The following MAPK10 variants were observed in gnomAD, a reference collection of about 807,000 sequenced individuals.
MAPK10 encodes the protein mitogen-activated protein kinase 10.
A neutral mutation model predicts 59.3 loss-of-function variants in MAPK10; 25 were observed. That is an observed-to-expected ratio of 0.42 (90% CI 0.31 to 0.59). The LOEUF is 0.59. MAPK10 is among the 20% of genes least tolerant of loss of function. The pLI is 0.15. For synonymous variants in MAPK10, 190 were observed against 200.5 expected (o/e 0.95, Z 0.44); for missense variants, 351 against 568.9 (o/e 0.62, Z 3.90).
intron 2 of MAPK10, among the ~76,000 whole-genome samples, chr4:86,259,389 C>T (rs1357798522): frequency 1.3e-5 from 2 of 152,042 alleles, no homozygotes; most frequent in African/African-American, 2.4e-5. Context: ...TCCAACCTAC[C>T]ATAGCCTTTC....
chr4:86,232,074 G>A (rs1275025537), intron 2 of MAPK10, among the ~76,000 whole-genome samples: 2 of 152,190 alleles, frequency 1.3e-5, no homozygotes, highest in African/African-American at 4.8e-5. Context: ...GAAAGCCATG[G>A]GTTTCTAACA....
At position 86,359,288 on chromosome 4, in the gene MAPK10, C is replaced by CTCTCTCTCTCTCTG. The variant is rs796310826; in HGVS notation, c.-122+369_-122+370insCAGAGAGAGAGAGA. Among the ~76,000 whole-genome samples the CTCTCTCTCTCTCTG allele has an allele frequency of 2.8e-3, 262 of 94,590 alleles. 2 individuals carry two copies. The highest frequency in any genetic ancestry group is 3.9e-3 in the Non-Finnish European group (198 of 50,370). The allele number at this position is 94,590 out of a possible 152,430, so 62.1% of individuals were successfully genotyped here. ...CCTCTCTCTCTCTCTCTCTCTCTCT[C>CTCTCTCTCTCTCTG]TGTGTGTGTGTGTGTGTGTGTGTGT... On this transcript the variant is annotated intron_variant, in intron 1 of 13. Transcript: ENST00000641462.
chr4:86,552,455 AGGAAGGAGGGAGGGAG>A lies in MAPK10; in HGVS notation c.-263+41439_-263+41454del, dbSNP rs1367120055. 7.2e-5 allele frequency among the ~76,000 whole-genome samples: 5 copies of A among 69,878 alleles called. No homozygotes were observed. In the East Asian group the frequency reaches 2.1e-3, roughly 29 times the overall value. The allele number at this position is 69,878 out of a possible 152,430, so 45.8% of individuals were successfully genotyped here. On this transcript the variant is annotated intron_variant, in intron 1 of 4. Coordinates refer to the MAPK10 transcript ENST00000502302. The stretch of plus-strand genomic sequence containing the variant: ...AAGGAAGGAAGGAAGGAAGGAAGGA[AGGAAGGAGGGAGGGAG>A]GGAGGGAGGGAGGGAGGGAGGGAGG...
At chr4:86,301,794 G>A (rs1361548290) in intron 2 of MAPK10, among the ~76,000 whole-genome samples, 1 of 152,084 alleles carries the variant, frequency 6.6e-6, no homozygotes, top group African/African-American at 2.4e-5. Context: ...CTGATATAGG[G>A]TATGATCCAG....
At chr4:86,099,625 C>A (rs2054941968) in intron 8 of MAPK10, 1 of 152,230 alleles carries the variant, frequency 6.6e-6, no homozygotes, top group African/African-American at 2.4e-5. Context: ...TTAGAGAAGT[C>A]AAAAACCTAA....
At chr4:86,252,576 C>G (rs1481566158) in intron 2 of MAPK10, among the ~76,000 whole-genome samples, 1 of 138,838 alleles carries the variant, frequency 7.2e-6, no homozygotes, top group Non-Finnish European at 1.5e-5. Context: ...GTTACTGTAG[C>G]CTTGTAGTAT....
intron 1 of MAPK10, among the ~76,000 whole-genome samples, chr4:86,573,515 T>C (rs1761623594): frequency 6.6e-6 from 1 of 152,172 alleles, no homozygotes; most frequent in African/African-American, 2.4e-5. Context: ...AGTACTGAAA[T>C]CAGACAGTGG....
chr4:86,017,408 A>G lies in MAPK10; in HGVS notation c.1253-38T>C, dbSNP rs748391813. The G allele has an allele frequency of 6.2e-7, 1 of 1,611,932 alleles. No homozygotes were observed. The highest frequency in any genetic ancestry group is 8.5e-7 in the Non-Finnish European group (1 of 1,178,600). ...AATGAAGACCAACATGACTCAATCT[A>G]GAACCAGACCCATCTTAATGCCATT... On this transcript the variant is annotated intron_variant, in intron 13 of 13. Coordinates refer to ENST00000641462, the MANE Select transcript of MAPK10 (RefSeq NM_138982.4). The surrounding 1 kb of genome is among the most constrained non-coding windows in gnomAD (Gnocchi z 4.4).
intron 1 of MAPK10, among the ~76,000 whole-genome samples, chr4:86,512,866 C>A (rs1249098058): frequency 6.6e-6 from 1 of 152,140 alleles, no homozygotes; most frequent in Non-Finnish European, 1.5e-5. Flanking sequence ...AAACTGCAAA[C>A]CAGGATAAGA....
chr4:86,583,442 T>A (rs1762442770), intron 1 of MAPK10, among the ~76,000 whole-genome samples: 1 of 152,114 alleles, frequency 6.6e-6, no homozygotes, highest in South Asian at 2.1e-4. Context: ...ATTCCGGCCA[T>A]CAATATGTAG....
chr4:86,186,010 GATA>G (rs1207692855), intron 3 of MAPK10, among the ~76,000 whole-genome samples: 3 of 152,054 alleles, frequency 2.0e-5, no homozygotes, highest in Non-Finnish European at 4.4e-5. Flanking sequence ...TCATGATAAT[GATA>G]ATATTTAAAG....
chr4:86,138,775 A>G (rs1372985498), intron 4 of MAPK10, among the ~76,000 whole-genome samples: 1 of 152,118 alleles, frequency 6.6e-6, no homozygotes, highest in Non-Finnish European at 1.5e-5. Context: ...ATGACTGTAT[A>G]TCTAGAAAAC....
intron 1 of MAPK10, among the ~76,000 whole-genome samples, chr4:86,389,420 A>G (rs1741917571): frequency 6.6e-6 from 1 of 152,268 alleles, no homozygotes. Flanking sequence ...ATACTACTGT[A>G]TAACATTTAA....
chr4:86,469,064 G>C (rs185389811), intron 1 of MAPK10, among the ~76,000 whole-genome samples: 60 of 152,222 alleles, frequency 3.9e-4, no homozygotes, highest in African/African-American at 1.3e-3. Context: ...ATGAAGGCTT[G>C]TTATGTGGCT....
Position 86,359,288 on chromosome 4 carries a change from C to CTCTCTCTCTCTG in MAPK10, c.-122+369_-122+370insCAGAGAGAGAGA, listed in dbSNP as rs796310826. ...CCTCTCTCTCTCTCTCTCTCTCTCT[C>CTCTCTCTCTCTG]TGTGTGTGTGTGTGTGTGTGTGTGT... On this transcript the variant is annotated intron_variant, in intron 1 of 13. Coordinates refer to ENST00000641462, the MANE Select transcript of MAPK10 (RefSeq NM_138982.4). Among the ~76,000 whole-genome samples, 917 of 94,522 alleles carry CTCTCTCTCTCTG rather than the reference C, an allele frequency of 9.7e-3. 13 individuals carry two copies. The highest frequency in any genetic ancestry group is 0.013 in the Non-Finnish European group (656 of 50,330). The allele number at this position is 94,522 out of a possible 152,430, so 62.0% of individuals were successfully genotyped here.
intron 3 of MAPK10, among the ~76,000 whole-genome samples, chr4:86,190,783 C>G (rs1355822464): frequency 6.6e-6 from 1 of 152,122 alleles, no homozygotes; most frequent in Non-Finnish European, 1.5e-5. Flanking sequence ...TTGTCCTCTG[C>G]TATCTTTTGA....
At chr4:86,060,220 G>T (rs974927177) in intron 11 of MAPK10, among the ~76,000 whole-genome samples, 3 of 152,086 alleles carry the variant, frequency 2.0e-5, no homozygotes, top group Non-Finnish European at 4.4e-5. Context: ...TTTGTACTAG[G>T]CTTCTTCATG....
chr4:86,055,839 C>T (rs2044442098), intron 11 of MAPK10, among the ~76,000 whole-genome samples: 1 of 149,948 alleles, frequency 6.7e-6, no homozygotes, highest in African/African-American at 2.5e-5. Context: ...TAGGTATTTT[C>T]TGCCACTTGA....
At chr4:86,194,009 T>C (rs113571095) in intron 3 of MAPK10, 4,982 of 285,888 alleles carry the variant, frequency 0.017, 109 homozygotes, top group Non-Finnish European at 0.019. Context: ...GGGAGTTCCC[T>C]GACCCCTTGC....
Sources: gnomAD v4.1 joint callset for allele counts (sites outside exome capture counted in the v4.1 genomes callset) on GRCh38, gnomAD v4.1.1 for gene constraint, Gnocchi (gnomAD v3.1) non-coding constraint, MANE v1.5 for transcripts, NCBI Gene and HGNC (gene_info 2026-07-23, HGNC 2026-07-21) for gene names.